Variants in ABCB5 observed in about 807,000 individuals in gnomAD.
ABCB5 encodes the protein ATP binding cassette subfamily B member 5.
A neutral mutation model predicts 144.2 loss-of-function variants in ABCB5; 155 were observed. That is an observed-to-expected ratio of 1.08 (90% confidence interval 0.94 to 1.23). The LOEUF is 1.23. Ranked by LOEUF, ABCB5 falls within the 50% of genes most tolerant of loss-of-function variation. The pLI is 0.00. For synonymous variants in ABCB5, 610 were observed against 528.6 expected (o/e 1.15, Z -2.11); for missense variants, 1,830 against 1,520.8 (o/e 1.20, Z -3.38).
chr7:20,652,431 G>T (rs372089419), intron 13 of ABCB5, among the ~76,000 whole-genome samples: 7 of 152,292 alleles, frequency 4.6e-5, no homozygotes, highest in Non-Finnish European at 8.8e-5. Flanking sequence ...TTAGCTGGGT[G>T]TGGTGGCGCA....
chr7:20,669,287 C>G (rs1298216379), intron 14 of ABCB5, among the ~76,000 whole-genome samples: 3 of 144,998 alleles, frequency 2.1e-5, no homozygotes, highest in Non-Finnish European at 3.0e-5. Flanking sequence ...AATAGAAAGG[C>G]GGGAAGGGTG....
At position 20,647,993 on chromosome 7, in the gene ABCB5, C is replaced by T. The variant is rs749091082; in HGVS notation, c.1121C>T (p.Thr374Ile). 3.1e-6 allele frequency: 5 copies of T among 1,610,196 alleles called. No individual in the cohort carries two copies. The highest frequency in any genetic ancestry group is 1.7e-6 in the Non-Finnish European group (2 of 1,176,978). ...DKKPSIDNFS[T>I]AGYKPESIEG... ...AAACCCAGTATAGATAACTTTTCCA[C>T]AGCTGGATATAAACCTGAATCCATA... is the stretch of plus-strand genomic sequence containing the variant. Residue 374 changes from threonine (T) to isoleucine (I), a missense_variant, in exon 11 of 28, where the codon ACA (threonine) becomes ATA (isoleucine). By Grantham distance (89) the Thr-to-Ile change is moderately conservative. Coordinates refer to ENST00000404938, the MANE Select transcript of ABCB5 (RefSeq NM_001163941.2).
Position 20,727,104 on chromosome 7 carries a change from A to G in ABCB5, c.2690A>G (p.Glu897Gly), listed in dbSNP as rs1316836039. Residue 897 changes from glutamate to glycine, a missense_variant, in exon 22 of 28, where the codon GAG (glutamate) becomes GGG (glycine). Glu to Gly is a moderately conservative substitution (Grantham distance 98). Coordinates refer to ENST00000404938, the MANE Select transcript of ABCB5 (RefSeq NM_001163941.2). ...TCATTAACAAGGGAAAAAGCCTTCG[A>G]GCAAATGTATGAAGAGATGCTTCAG... ...IVSLTREKAFEQMYEEMLQTQ... is the reference protein window; with the variant it reads ...IVSLTREKAFGQMYEEMLQTQ... 1 of 1,613,758 alleles carries G rather than the reference A, an allele frequency of 6.2e-7. No homozygotes were observed. Among genetic ancestry groups the G allele is most frequent in the Non-Finnish European group, 8.5e-7 (1 of 1,179,832 alleles).
At chr7:20,637,809 G>A (rs867154631) in intron 5 of ABCB5, among the ~76,000 whole-genome samples, 10 of 152,140 alleles carry the variant, frequency 6.6e-5, no homozygotes, top group Non-Finnish European at 1.5e-4. Flanking sequence ...ACTTGAAAGA[G>A]AAGGGGCAAA....
chr7:20,617,329 G>A (rs1783710290), intron 1 of ABCB5, among the ~76,000 whole-genome samples: 1 of 152,066 alleles, frequency 6.6e-6, no homozygotes, highest in African/African-American at 2.4e-5. Context: ...CAGTACATGT[G>A]GGGCAAGGCC....
chr7:20,681,523 A>G lies in ABCB5; in HGVS notation c.1726A>G (p.Thr576Ala). The change falls in exon 15 of 28, where the codon ACA becomes GCA. Residue 576 changes from threonine to alanine, a missense_variant. By Grantham distance (58) the Thr-to-Ala change is moderately conservative. Transcript: ENST00000404938. ...TCTGTAGGCGAGCAAAGGTCGGACT[A>G]CAATCGTGGTAGCACACCGACTTTC... ...ALEKASKGRT[T>A]IVVAHRLSTI... is the part of the protein sequence containing the mutation. The G allele has an allele frequency of 6.2e-7, 1 of 1,614,218 alleles. No homozygotes were observed.
Position 20,647,587 on chromosome 7 carries a change from A to C in ABCB5, c.1034A>C (p.His345Pro). 1.3e-6 allele frequency: 2 copies of C among 1,590,614 alleles called. No homozygotes were observed. Among genetic ancestry groups the C allele is most frequent in the Non-Finnish European group, 1.7e-6 (2 of 1,167,252 alleles). Residue 345 changes from histidine (H) to proline (P), a missense_variant, in exon 10 of 28, where the codon CAC becomes CCC. Transcript: ENST00000404938. ...SSYCIGAAVP[H>P]FETFAIARGA... ...TATTGCATTGGAGCAGCAGTCCCTC[A>C]CTTTGAAACCTTCGCAATAGCCCGA...
chr7:20,660,374 G>A (rs1167039115), intron 14 of ABCB5: 1 of 985,446 alleles, frequency 1.0e-6, no homozygotes, highest in African/African-American at 1.7e-5. Flanking sequence ...AGGAGAAAGA[G>A]ATTAAATCAA....
At chr7:20,708,777 T>A (rs1245462265) in intron 20 of ABCB5, among the ~76,000 whole-genome samples, 1 of 152,246 alleles carries the variant, frequency 6.6e-6, no homozygotes, top group Non-Finnish European at 1.5e-5. Flanking sequence ...ACACTTTACA[T>A]TTTCACAAGC....
At chr7:20,669,986 C>A (rs1042430771) in intron 14 of ABCB5, among the ~76,000 whole-genome samples, 19 of 152,164 alleles carry the variant, frequency 1.2e-4, no homozygotes, top group African/African-American at 4.6e-4. Flanking sequence ...TCAGCATAGG[C>A]TGAATATCTT....
At chr7:20,624,293 G>A (rs887764054) in intron 2 of ABCB5, among the ~76,000 whole-genome samples, 1 of 152,118 alleles carries the variant, frequency 6.6e-6, no homozygotes, top group Non-Finnish European at 1.5e-5. Context: ...AAGAGTTTGG[G>A]TTCTGGCGTC....
rs115966718 is a variant in ABCB5 at position 20,659,580 on chromosome 7, C to G, written c.1707+904C>G. On this transcript the variant is annotated intron_variant, in intron 14 of 27. Transcript: ENST00000404938. ...TTTCCCTCCCATAATAACAATGCCA[C>G]ATGTTGCTTGTGTGATAAATAATCT... 215 of 995,794 alleles carry G rather than the reference C, an allele frequency of 2.2e-4. No individual in the cohort carries two copies. The African/African-American group carries it at 3.4e-3, about 16-fold the overall frequency. 61.7% of individuals were successfully genotyped at this position (995,794 alleles called of 1,614,324 possible).
rs769965553 is a variant in ABCB5, at chr7:20,745,430, C to A, written c.3421C>A (p.Leu1141Ile). The A allele has an allele frequency of 1.2e-6, 2 of 1,613,972 alleles. No homozygotes were observed. Among genetic ancestry groups the A allele is most frequent in the African/African-American group, 1.3e-5 (1 of 74,920 alleles). The change falls in exon 26 of 28, where the codon CTC (leucine) becomes ATC (isoleucine). Residue 1141 changes from leucine to isoleucine, a missense_variant. Coordinates refer to ENST00000404938, the MANE Select transcript of ABCB5 (RefSeq NM_001163941.2). ...AANIHSFIEG[L>I]PEKYNTQVGL... Reference sequence around the variant, plus strand: ...AAATATCCATTCTTTTATTGAAGGTCTCCCTGAGGTAAGAAAATTTCTGAA... The same window carrying A: ...AAATATCCATTCTTTTATTGAAGGTATCCCTGAGGTAAGAAAATTTCTGAA...
chr7:20,645,927 C>T (rs990170573), intron 8 of ABCB5, 34 bp from the exon 9 acceptor site: 1 of 1,612,238 alleles, frequency 6.2e-7, no homozygotes, highest in African/African-American at 1.3e-5. Context: ...TTATTTTCCC[C>T]AGTGGCTACT....
chr7:20,685,344 A>G (rs1785960576), intron 15 of ABCB5, among the ~76,000 whole-genome samples: 1 of 152,180 alleles, frequency 6.6e-6, no homozygotes, highest in Non-Finnish European at 1.5e-5. Flanking sequence ...AGCCCCAGAA[A>G]TGGCTAGGAG....
intron 16 of ABCB5, among the ~76,000 whole-genome samples, chr7:20,694,503 A>G (rs968269168): frequency 7.2e-5 from 11 of 152,118 alleles, no homozygotes; most frequent in Admixed American, 7.2e-4. Flanking sequence ...ACAACGGCTA[A>G]CATCATACTA....
chr7:20,753,052 T>C (rs1324735173), intron 26 of ABCB5, among the ~76,000 whole-genome samples: 1 of 152,264 alleles, frequency 6.6e-6, no homozygotes, highest in Non-Finnish European at 1.5e-5. Context: ...AAAGGATTTG[T>C]GTTTACTGTG....
At chr7:20,683,753 T>G (rs955197557) in intron 15 of ABCB5, among the ~76,000 whole-genome samples, 2 of 152,148 alleles carry the variant, frequency 1.3e-5, no homozygotes, top group African/African-American at 4.8e-5. Flanking sequence ...ACAGTAAATG[T>G]AACATACATA....
At chr7:20,647,039 T>A (rs1784427718) in intron 9 of ABCB5, among the ~76,000 whole-genome samples, 1 of 152,200 alleles carries the variant, frequency 6.6e-6, no homozygotes, top group South Asian at 2.1e-4. Context: ...TTTGCAGAGA[T>A]GAGTCTGTCT....
Sources: allele counts gnomAD v4.1 joint callset (sites outside exome capture counted in the v4.1 genomes callset), GRCh38; gene constraint gnomAD v4.1.1; transcripts MANE v1.5; gene names NCBI Gene and HGNC (gene_info 2026-07-23, HGNC 2026-07-21).